The following RBFOX1 variants were observed in gnomAD, a reference collection of about 807,000 sequenced individuals.
RBFOX1 encodes the protein RNA binding fox-1 homolog 1.
Under a neutral mutation model 57.7 loss-of-function variants are expected in RBFOX1, and 8 were observed. The ratio of observed to expected loss-of-function variants is 0.14; its 90% CI spans 0.08 to 0.25. The LOEUF (loss-of-function observed/expected upper bound fraction) is 0.25, where lower values mean the gene tolerates loss of function less well. Among genes scored for constraint, RBFOX1 ranks in the 10% least tolerant of loss-of-function variants. The pLI is 1.00. For synonymous variants in RBFOX1, 326 were observed against 222.4 expected, an observed-to-expected ratio of 1.47 and a Z score of -4.15; for missense variants, 611 against 548.5, an observed-to-expected ratio of 1.11 and a Z score of -1.14.
intron 2 of RBFOX1, among the ~76,000 whole-genome samples, chr16:5,527,133 G>T (rs1238903144): frequency 6.6e-6 from 1 of 152,222 alleles, no homozygotes. Flanking sequence ...GGAAAGGCTG[G>T]TGGAAAATGA....
At chr16:6,969,359 C>G (rs1395522679) in intron 3 of RBFOX1, among the ~76,000 whole-genome samples, 1 of 151,890 alleles carries the variant, frequency 6.6e-6, no homozygotes, top group Non-Finnish European at 1.5e-5. Flanking sequence ...TGCAGTGATT[C>G]CATATTTAAC....
intron 4 of RBFOX1, among the ~76,000 whole-genome samples, chr16:5,994,727 G>A (rs1192041864): frequency 2.0e-5 from 3 of 152,118 alleles, no homozygotes; most frequent in African/African-American, 7.2e-5. Context: ...CAGGTGGCAC[G>A]CTGGATTTGG....
intron 2 of RBFOX1, among the ~76,000 whole-genome samples, chr16:6,551,627 A>T (rs929099394): frequency 9.2e-5 from 14 of 152,210 alleles, no homozygotes; most frequent in African/African-American, 3.4e-4. Context: ...AACACTTAAA[A>T]TAAGGAATTC....
chr16:5,403,067 A>T (rs2066759399), intron 1 of RBFOX1, among the ~76,000 whole-genome samples: 1 of 152,108 alleles, frequency 6.6e-6, no homozygotes, highest in East Asian at 1.9e-4. Context: ...AACCCTTACT[A>T]CGGGCGGGGC....
intron 3 of RBFOX1, among the ~76,000 whole-genome samples, chr16:7,048,183 ATTTTAT>A (rs1429788882): frequency 6.8e-6 from 1 of 148,052 alleles, no homozygotes; most frequent in Non-Finnish European, 1.5e-5. Context: ...CCAGCCCAAT[ATTTTAT>A]TTTTATTTTT....
In RBFOX1 at chr16:7,320,749, G is replaced by C. The variant is rs148801625; in HGVS notation, c.28-197398G>C. 2.5e-4 allele frequency among the ~76,000 whole-genome samples: 38 copies of C among 152,340 alleles called. No individual in the cohort carries two copies. The East Asian group carries it at 6.6e-3, about 26-fold the overall frequency. ...GATTGTAAGAAACACCATGAATAAA[G>C]CTCAAACACTTACAAATGGGTGCAA... On this transcript the variant is annotated intron_variant, in intron 4 of 15. Transcript: ENST00000550418.
At chr16:6,505,498 C>T (rs941081770) in intron 2 of RBFOX1, among the ~76,000 whole-genome samples, 2 of 152,254 alleles carry the variant, frequency 1.3e-5, no homozygotes, top group African/African-American at 4.8e-5. Flanking sequence ...TAGGTATTCT[C>T]GAATGCAGTT....
intron 2 of RBFOX1, among the ~76,000 whole-genome samples, chr16:5,543,177 G>A (rs2045037118): frequency 1.3e-5 from 2 of 152,140 alleles, no homozygotes; most frequent in Non-Finnish European, 1.5e-5. Context: ...TTATTAGAAT[G>A]CCATAATATC....
At chr16:6,734,701 A>G (rs1319871358) in intron 3 of RBFOX1, among the ~76,000 whole-genome samples, 1 of 152,206 alleles carries the variant, frequency 6.6e-6, no homozygotes, top group Non-Finnish European at 1.5e-5. Context: ...GAAGAGTCAG[A>G]AAGCAGCACT....
intron 3 of RBFOX1, among the ~76,000 whole-genome samples, chr16:6,963,483 T>A (rs1207087227): frequency 6.6e-6 from 1 of 152,082 alleles, no homozygotes; most frequent in East Asian, 1.9e-4. Context: ...TGGTCAGTAA[T>A]GAGATACATG....
chr16:6,986,183 T>TG (rs200926388), intron 3 of RBFOX1, among the ~76,000 whole-genome samples: 1 of 134,652 alleles, frequency 7.4e-6, no homozygotes. Context: ...CCAATTTCTA[T>TG]TTTTATTTAT....
intron 4 of RBFOX1, among the ~76,000 whole-genome samples, chr16:7,177,495 A>AC (rs1305308044): frequency 2.0e-5 from 3 of 151,984 alleles, no homozygotes; most frequent in African/African-American, 7.3e-5. Flanking sequence ...CAATAAAAAA[A>AC]AAAAAGAATA....
chr16:6,504,620 G>A (rs1027082714), intron 2 of RBFOX1, among the ~76,000 whole-genome samples: 1 of 152,162 alleles, frequency 6.6e-6, no homozygotes, highest in Non-Finnish European at 1.5e-5. Context: ...TAGATAGATG[G>A]GCAAGTGTGA....
At chr16:6,713,157 C>G (rs944947850) in intron 3 of RBFOX1, among the ~76,000 whole-genome samples, 2 of 152,020 alleles carry the variant, frequency 1.3e-5, no homozygotes, top group African/African-American at 4.8e-5. Flanking sequence ...GACTAATATG[C>G]CAATCTTTTG....
At chr16:6,655,997 A>C (rs1351397245) in intron 3 of RBFOX1, among the ~76,000 whole-genome samples, 1 of 152,218 alleles carries the variant, frequency 6.6e-6, no homozygotes. Context: ...AGTTCAATTC[A>C]ATCTGCGTGA....
At chr16:5,824,525 G>C (rs1234040703) in intron 3 of RBFOX1, among the ~76,000 whole-genome samples, 1 of 152,232 alleles carries the variant, frequency 6.6e-6, no homozygotes, top group Non-Finnish European at 1.5e-5. Flanking sequence ...CTTTAGGCTG[G>C]TCAGTGGCTT....
chr16:6,551,378 A>C (rs764437475), intron 2 of RBFOX1, among the ~76,000 whole-genome samples: 4 of 152,174 alleles, frequency 2.6e-5, no homozygotes, highest in Non-Finnish European at 4.4e-5. Context: ...TGTGTGCCTA[A>C]ATTTTCCTGC....
chr16:6,360,328 C>T (rs1339996184), intron 2 of RBFOX1, among the ~76,000 whole-genome samples: 1 of 151,790 alleles, frequency 6.6e-6, no homozygotes, highest in Non-Finnish European at 1.5e-5. Flanking sequence ...AAAACTTGGA[C>T]TGTTATTGGC....
intron 1 of RBFOX1, among the ~76,000 whole-genome samples, chr16:6,083,640 C>T (rs925734204): frequency 6.6e-6 from 1 of 152,174 alleles, no homozygotes; most frequent in South Asian, 2.1e-4. Context: ...CCACGCCCAG[C>T]TAATTTTTTA....
Sources: allele counts gnomAD v4.1 joint callset (sites outside exome capture counted in the v4.1 genomes callset), GRCh38; gene constraint gnomAD v4.1.1; transcripts MANE v1.5; gene names NCBI Gene and HGNC (gene_info 2026-07-23, HGNC 2026-07-21).